Variants in RCBTB1 observed in about 807,000 individuals in gnomAD.
The protein encoded by RCBTB1 is RCC1 and BTB domain-containing protein 1.
Under a neutral mutation model 62.4 loss-of-function variants are expected in RCBTB1, and 46 were observed. That is an observed-to-expected ratio of 0.74 (90% confidence interval 0.58 to 0.94). The LOEUF is 0.94. Among genes scored for constraint, RCBTB1 ranks in the 40% least tolerant of loss-of-function variants. The pLI is 0.00. For synonymous variants in RCBTB1, 222 were observed against 245.8 expected (o/e 0.90, Z 0.91); for missense variants, 565 against 654.9 (o/e 0.86, Z 1.50).
intron 9 of RCBTB1, chr13:49,546,008 A>C (rs1356688995): frequency 1.2e-6 from 1 of 816,744 alleles, no homozygotes; most frequent in Non-Finnish European, 1.5e-6. Context: ...TCTCCTGGCT[A>C]CAGAGGAAAG....
chr13:49,552,558 A>G (rs1052096315), intron 6 of RCBTB1, among the ~76,000 whole-genome samples: 1 of 152,146 alleles, frequency 6.6e-6, no homozygotes, highest in African/African-American at 2.4e-5. Flanking sequence ...ACTAACAATT[A>G]TTAAGTACCT....
chr13:49,556,596 C>A (rs1421093335), intron 5 of RCBTB1, among the ~76,000 whole-genome samples: 1 of 152,074 alleles, frequency 6.6e-6, no homozygotes, highest in Admixed American at 6.5e-5. Flanking sequence ...ATGTCTAAGC[C>A]CCCGCTCCCC....
At position 49,559,482 on chromosome 13, in the gene RCBTB1, CT is replaced by C. The variant is rs1399281763; in HGVS notation, c.444+435del. On this transcript the variant is annotated intron_variant, in intron 5 of 12. Coordinates refer to ENST00000378302, the MANE Select transcript of RCBTB1 (RefSeq NM_018191.4). ...CCATCCTGGCTAACACGGTGAAACCCTGTCTCTACTAAAAATACAAAAAATT... is the reference window on the plus strand; with the variant it reads ...CCATCCTGGCTAACACGGTGAAACCCGTCTCTACTAAAAATACAAAAAATT... Among the ~76,000 whole-genome samples the C allele has an allele frequency of 3.9e-5, 6 of 152,106 alleles. No individual in the cohort carries two copies. The South Asian group carries it at 6.2e-4, about 16-fold the overall frequency.
intron 2 of RCBTB1, among the ~76,000 whole-genome samples, chr13:49,577,959 T>G (rs936085601): frequency 2.0e-5 from 3 of 152,248 alleles, no homozygotes; most frequent in South Asian, 2.1e-4. Context: ...GGGTGATGAT[T>G]TTATTTATCA....
At position 49,551,771 on chromosome 13, in the gene RCBTB1, C is replaced by G. The variant is rs1397261608; in HGVS notation, c.712-303G>C. Among the ~76,000 whole-genome samples, 5 of 152,046 alleles carry G rather than the reference C, an allele frequency of 3.3e-5. No homozygotes were observed. In the South Asian group the frequency reaches 1.0e-3, roughly 32 times the overall value. On this transcript the variant is annotated intron_variant, in intron 7 of 12. Coordinates refer to ENST00000378302, the MANE Select transcript of RCBTB1 (RefSeq NM_018191.4). ...AAAAATTAGCCAGGTGTGGTGGCGGCCATCTGTAGTCCCAGCTACTCGGGA... is the reference window on the plus strand; with the variant it reads ...AAAAATTAGCCAGGTGTGGTGGCGGGCATCTGTAGTCCCAGCTACTCGGGA...
chr13:49,536,492 G>T (rs1323775899), intron 12 of RCBTB1, among the ~76,000 whole-genome samples: 3 of 152,164 alleles, frequency 2.0e-5, no homozygotes, highest in Admixed American at 2.0e-4. Flanking sequence ...ATTCTGCAAA[G>T]GATCAAATCT....
chr13:49,574,469 AT>A (rs568247941), intron 2 of RCBTB1, among the ~76,000 whole-genome samples: 77 of 152,314 alleles, frequency 5.1e-4, no homozygotes, highest in African/African-American at 1.8e-3. Flanking sequence ...ATGAACAAAT[AT>A]TTCCAATGAA....
In RCBTB1 at chr13:49,534,168, T is replaced by C; in HGVS notation, c.1550A>G (p.Lys517Arg). The C allele has an allele frequency of 6.2e-7, 1 of 1,614,228 alleles. No homozygotes were observed. The highest frequency in any genetic ancestry group is 8.5e-7 in the Non-Finnish European group (1 of 1,180,034). Reference protein sequence around the residue: ...AFWQMDGPLLKEFIAKASKCG... With the variant: ...AFWQMDGPLLREFIAKASKCG... ...TTTACTGGCTTTAGCAATGAATTCC[T>C]TTAGCAGAGGGCCATCCATTTGCCA... The change falls in exon 13 of 13, where the codon AAG becomes AGG. Residue 517 changes from lysine (K) to arginine (R), a missense_variant. Physicochemically the swap from Lys to Arg is conservative, Grantham distance 26 (BLOSUM62 2). Coordinates refer to ENST00000378302, the MANE Select transcript of RCBTB1 (RefSeq NM_018191.4).
At chr13:49,572,042 A>C (rs904627254) in intron 2 of RCBTB1, among the ~76,000 whole-genome samples, 1 of 152,132 alleles carries the variant, frequency 6.6e-6, no homozygotes, top group African/African-American at 2.4e-5. Context: ...AAAATACAGG[A>C]TCTGCCAGGT....
chr13:49,584,686 AG>A (rs1185674108), intron 1 of RCBTB1, among the ~76,000 whole-genome samples: 1 of 152,230 alleles, frequency 6.6e-6, no homozygotes, highest in African/African-American at 2.4e-5. Flanking sequence ...GGCAAAAGCA[AG>A]GAAGATCATG....
At chr13:49,534,895 G>C (rs536245903) in intron 12 of RCBTB1, among the ~76,000 whole-genome samples, 1 of 152,088 alleles carries the variant, frequency 6.6e-6, no homozygotes, top group African/African-American at 2.4e-5. Flanking sequence ...TTAGCCGGGC[G>C]TGGTGGTGGA....
chr13:49,555,603 CGAG>C lies in RCBTB1; in HGVS notation c.512_514del (p.Pro171del). Reference sequence around the variant, plus strand: ...AATATGTAAACAGTTTGTAACTTTTCGAGGAGTTGGTTGATTTGCTGTAGAACC... The same window carrying C: ...AATATGTAAACAGTTTGTAACTTTTCGAGTTGGTTGATTTGCTGTAGAACC... On this transcript the variant is annotated inframe_deletion, in exon 6 of 13. Transcript: ENST00000378302. 6.2e-7 allele frequency: 1 copy of C among 1,613,176 alleles called. No homozygotes were observed. The highest frequency in any genetic ancestry group is 1.1e-5 in the South Asian group (1 of 90,976).
At chr13:49,536,293 G>T (rs1019779675) in intron 12 of RCBTB1, among the ~76,000 whole-genome samples, 1 of 152,148 alleles carries the variant, frequency 6.6e-6, no homozygotes, top group Non-Finnish European at 1.5e-5. Flanking sequence ...CTATGTAAAA[G>T]GAAGCCCTGA....
chr13:49,551,178 G>T (rs1209449773), intron 8 of RCBTB1, 148 bp downstream of exon 8: 3 of 806,706 alleles, frequency 3.7e-6, no homozygotes, highest in Non-Finnish European at 5.7e-6. Flanking sequence ...GAGGAAGGGG[G>T]AAGGGAGAAG....
chr13:49,575,477 T>G (rs1963714978), intron 2 of RCBTB1, among the ~76,000 whole-genome samples: 1 of 150,428 alleles, frequency 6.6e-6, no homozygotes. Context: ...ACAGCACTAT[T>G]CACAATAGCA....
At chr13:49,534,489 G>A (rs577908435) in intron 12 of RCBTB1, among the ~76,000 whole-genome samples, 6 of 152,046 alleles carry the variant, frequency 3.9e-5, no homozygotes, top group Admixed American at 2.0e-4. Context: ...CTCAAAGTAC[G>A]ACTCTTCAAA....
intron 2 of RCBTB1, among the ~76,000 whole-genome samples, chr13:49,575,014 C>T (rs914448732): frequency 6.6e-6 from 1 of 152,114 alleles, no homozygotes; most frequent in Non-Finnish European, 1.5e-5. Context: ...GTACCTAGAA[C>T]AGTCAAATTC....
At chr13:49,570,925 T>C (rs1218743701) in intron 2 of RCBTB1, among the ~76,000 whole-genome samples, 2 of 152,194 alleles carry the variant, frequency 1.3e-5, no homozygotes, top group Non-Finnish European at 2.9e-5. Flanking sequence ...ATGGAGAATA[T>C]CAGTCCTGGC....
chr13:49,584,469 C>T (rs1433780034), intron 1 of RCBTB1, among the ~76,000 whole-genome samples: 1 of 152,162 alleles, frequency 6.6e-6, no homozygotes, highest in Non-Finnish European at 1.5e-5. Context: ...GCAGTTTAAA[C>T]GGGTGAAATT....
Sources: gnomAD v4.1 joint callset for allele counts (sites outside exome capture counted in the v4.1 genomes callset) on GRCh38, gnomAD v4.1.1 for gene constraint, MANE v1.5 for transcripts, NCBI Gene and HGNC (gene_info 2026-07-23, HGNC 2026-07-21) for gene names.